The following HPD variants were observed in gnomAD, a reference collection of about 807,000 sequenced individuals.
HPD encodes the protein 4-hydroxyphenylpyruvic acid oxidase.
HPD carries 35 observed loss-of-function variants against 56.9 expected under a neutral mutation model. The ratio of observed to expected loss-of-function variants is 0.62; its 90% confidence interval spans 0.47 to 0.82. HPD has a LOEUF of 0.82. HPD is among the 40% of genes least tolerant of loss of function. HPD has a pLI of 0.00. For missense variants in HPD, 442 were observed against 506.8 expected, an observed-to-expected ratio of 0.87 and a Z score of 1.23; for synonymous variants, 186 against 200.2, an observed-to-expected ratio of 0.93 and a Z score of 0.60.
the HPD span, among the ~76,000 whole-genome samples, chr12:121,882,281 T>C: frequency 1.3e-5 from 2 of 151,996 alleles, no homozygotes; most frequent in Non-Finnish European, 2.9e-5. Context: ...TCAGGCAGTA[T>C]GAATTCTGAC....
intron 3 of HPD, 108 bp from the exon 4 acceptor site, chr12:121,857,540 G>C: frequency 1.1e-6 from 1 of 937,766 alleles, no homozygotes; most frequent in Non-Finnish European, 1.7e-6. Flanking sequence ...TATTGCCTCA[G>C]GGGCAGAGAC....
At chr12:121,870,590 T>G in the HPD span, among the ~76,000 whole-genome samples, 1 of 143,252 alleles carries the variant, frequency 7.0e-6, no homozygotes, top group African/African-American at 2.7e-5. Flanking sequence ...AGGGAGCTAT[T>G]GAAGGTTTTT....
At chr12:121,856,239 A>G (rs575698548) in intron 6 of HPD, 85 bp downstream of exon 6, 1 of 995,504 alleles carries the variant, frequency 1.0e-6, no homozygotes, top group African/African-American at 1.6e-5. Context: ...ACTGTGATGC[A>G]GCAGTGTCCT....
In HPD at chr12:121,857,385, G is replaced by A. The variant is rs768618983; in HGVS notation, c.141C>T (p.Tyr47=). ...CCCGGGAACCGGTCTCCAGGCCCCT[G>A]TAGGCTAGAGGTTCAAAGCCCATCT... ...CSKMGFEPLA[Y]RGLETGSREV... is the part of the protein sequence containing the mutation. Residue 47 remains tyrosine (Y), a synonymous_variant, in exon 4 of 14, where the codon TAC becomes TAT. Transcript: ENST00000289004. The A allele has an allele frequency of 4.3e-6, 7 of 1,614,004 alleles. No individual in the cohort carries two copies. Among genetic ancestry groups the A allele is most frequent in the African/African-American group, 1.3e-5 (1 of 74,930 alleles).
the HPD span, among the ~76,000 whole-genome samples, chr12:121,888,015 T>A: frequency 6.6e-6 from 1 of 152,210 alleles, no homozygotes; most frequent in African/African-American, 2.4e-5. Flanking sequence ...GTAAATTGGT[T>A]ATTGAGACGG....
Position 121,839,645 on chromosome 12 carries a change from G to C in HPD, c.*83C>G. Reference sequence around the variant, plus strand: ...TCCGCTGGTGGGCGGGACCCAAGGGGAGCAGCCAGTAGGGAAGTTGGGCGA... The same window carrying C: ...TCCGCTGGTGGGCGGGACCCAAGGGCAGCAGCCAGTAGGGAAGTTGGGCGA... On this transcript the variant is annotated 3_prime_UTR_variant, in exon 14 of 14. Transcript: ENST00000289004. 1 of 1,021,658 alleles carries C rather than the reference G, an allele frequency of 9.8e-7. No individual in the cohort carries two copies. The highest frequency in any genetic ancestry group is 1.8e-5 in the Admixed American group (1 of 55,442). 63.3% of individuals were successfully genotyped at this position (1,021,658 alleles called of 1,614,324 possible). A position where few individuals can be genotyped will look rare whatever the true frequency, so the allele number is the denominator to read the frequency against.
At chr12:121,858,582 A>G in intron 2 of HPD, 105 bp downstream of exon 2, 11 of 1,132,152 alleles carry the variant, frequency 9.7e-6, no homozygotes, top group Non-Finnish European at 1.5e-5. Context: ...TCATGTATCC[A>G]CTCCAGTCCT....
intron 2 of HPD, 112 bp downstream of exon 2, chr12:121,858,575 T>C (rs538200382): frequency 9.3e-7 from 1 of 1,071,738 alleles, no homozygotes; most frequent in Admixed American, 1.7e-5. Flanking sequence ...ATGCACGTCA[T>C]GTATCCACTC....
chr12:121,849,220 GA>G, intron 8 of HPD, 144 bp from the exon 9 acceptor site: 1 of 543,190 alleles, frequency 1.8e-6, no homozygotes. Context: ...TACAAAAAGA[GA>G]GACTCTTTTT....
chr12:121,853,665 C>G (rs1265972006), intron 7 of HPD, among the ~76,000 whole-genome samples: 3 of 139,752 alleles, frequency 2.1e-5, no homozygotes, highest in African/African-American at 8.0e-5. Context: ...AGAAAACAGC[C>G]TGGCACGGTG....
chr12:121,856,375 G>A lies in HPD; in HGVS notation c.273C>T (p.Asp91=), dbSNP rs777153098. The A allele has an allele frequency of 1.8e-5, 29 of 1,613,946 alleles. No homozygotes were observed. The highest frequency in any genetic ancestry group is 4.4e-5 in the South Asian group (4 of 91,082). Reference sequence around the variant, plus strand: ...CCTCGAACGCAATGTCCTTCACTCCGTCACCGTGTTTCACCAGGTGATCGC... The same window carrying A: ...CCTCGAACGCAATGTCCTTCACTCCATCACCGTGTTTCACCAGGTGATCGC... The part of the protein sequence containing the change: ...EMGDHLVKHG[D]GVKDIAFEVE... The change falls in exon 6 of 14, where the codon GAC becomes GAT. Residue 91 remains aspartate (D), a synonymous_variant. Transcript: ENST00000289004.
At chr12:121,869,853 T>C in the HPD span, among the ~76,000 whole-genome samples, 2 of 152,214 alleles carry the variant, frequency 1.3e-5, no homozygotes, top group Non-Finnish European at 2.9e-5. Flanking sequence ...TTATTTTTAG[T>C]GCAACAGCTT....
rs575375715 is a variant in HPD at position 121,854,114 on chromosome 12, G to A, written c.414+589C>T. On this transcript the variant is annotated intron_variant, in intron 7 of 13. Coordinates refer to ENST00000289004, the MANE Select transcript of HPD (RefSeq NM_002150.3). Reference sequence around the variant, plus strand: ...AATACAAAAAAGAAAAAATTAGCCGGGCATGGTGGCACGCACTTGTGGTCC... The same window carrying A: ...AATACAAAAAAGAAAAAATTAGCCGAGCATGGTGGCACGCACTTGTGGTCC... 1.7e-4 allele frequency among the ~76,000 whole-genome samples: 26 copies of A among 151,904 alleles called. No individual in the cohort carries two copies. The South Asian group carries it at 5.2e-3, about 30-fold the overall frequency.
the HPD span, among the ~76,000 whole-genome samples, chr12:121,870,815 T>A: frequency 6.6e-6 from 1 of 152,004 alleles, no homozygotes; most frequent in South Asian, 2.1e-4. Flanking sequence ...AGGCTGGTCG[T>A]GAACTCCCGA....
chr12:121,861,562 A>G (rs1878174142), upstream of HPD, among the ~76,000 whole-genome samples: 1 of 152,148 alleles, frequency 6.6e-6, no homozygotes, highest in African/African-American at 2.4e-5. Context: ...AGTTACTGAT[A>G]GTTCTTACTA....
chr12:121,879,482 G>GTTCTCTTCTCTTCTC, the HPD span, among the ~76,000 whole-genome samples: 5,409 of 147,972 alleles, frequency 0.037, 139 homozygotes, highest in East Asian at 0.069. Context: ...TTTCTCTTCT[G>GTTCTCTTCTCTTCTC]TTCTCTTCTC....
chr12:121,862,454 C>T (rs540808695), upstream of HPD, among the ~76,000 whole-genome samples: 4 of 151,990 alleles, frequency 2.6e-5, no homozygotes, highest in East Asian at 3.9e-4. Context: ...TGTGCCACCA[C>T]GCCCAGCTAA....
chr12:121,872,078 A>G, the HPD span, among the ~76,000 whole-genome samples: 1 of 52,876 alleles, frequency 1.9e-5, no homozygotes, highest in African/African-American at 7.6e-5. Context: ...TAAAAATACA[A>G]AAAAAAAAAA....
the HPD span, among the ~76,000 whole-genome samples, chr12:121,874,882 C>T: frequency 3.3e-5 from 5 of 151,992 alleles, no homozygotes; most frequent in Admixed American, 6.6e-5. Flanking sequence ...TTGCCTCAAC[C>T]TCCCGAGTAG....
Sources: allele counts gnomAD v4.1 joint callset (sites outside exome capture counted in the v4.1 genomes callset), GRCh38; gene constraint gnomAD v4.1.1; transcripts MANE v1.5; gene names NCBI Gene and HGNC (gene_info 2026-07-23, HGNC 2026-07-21).